MBD5: variants seen among roughly 807,000 people sequenced by gnomAD.
The protein encoded by MBD5 is methyl-CpG binding domain protein 5, also known as methyl-CpG-binding domain protein 5.
Under a neutral mutation model 117.3 loss-of-function variants are expected in MBD5, and 13 were observed. The observed-to-expected ratio is 0.11, with a 90% CI of 0.07 to 0.18. The LOEUF (loss-of-function observed/expected upper bound fraction) is 0.18. Ranked by LOEUF, MBD5 falls within the 10% of genes least tolerant of loss-of-function variation. MBD5 has a pLI of 1.00. For synonymous variants in MBD5, 727 were observed against 766.4 expected (o/e 0.95, Z 0.85); for missense variants, 1,879 against 2,093.8 (o/e 0.90, Z 2.00).
chr2:148,445,417 G>C (rs1282609058), intron 4 of MBD5, among the ~76,000 whole-genome samples: 3 of 150,968 alleles, frequency 2.0e-5, no homozygotes, highest in Non-Finnish European at 4.4e-5. Flanking sequence ...ATAGTTTGCT[G>C]AGAATGATGG....
At chr2:148,190,917 C>T (rs901522353) in intron 2 of MBD5, among the ~76,000 whole-genome samples, 1 of 122,300 alleles carries the variant, frequency 8.2e-6, no homozygotes, top group African/African-American at 3.1e-5. Context: ...GGAAGATCTA[C>T]CAAGCAAATG....
chr2:148,034,406 G>A (rs945475326), intron 1 of MBD5, among the ~76,000 whole-genome samples: 2 of 151,932 alleles, frequency 1.3e-5, no homozygotes, highest in African/African-American at 2.4e-5. Context: ...GATTATCCTC[G>A]CACCTGAAAA....
intron 4 of MBD5, among the ~76,000 whole-genome samples, chr2:148,382,472 A>G (rs1018731096): frequency 2.6e-5 from 4 of 152,192 alleles, no homozygotes; most frequent in African/African-American, 9.7e-5. Context: ...TTAGTGACCT[A>G]CAAAGTGACT....
intron 3 of MBD5, among the ~76,000 whole-genome samples, chr2:148,325,225 G>C (rs1702411621): frequency 6.6e-6 from 1 of 152,160 alleles, no homozygotes; most frequent in Non-Finnish European, 1.5e-5. Context: ...TGTGCTGTTG[G>C]ATTCGGTTTG....
chr2:148,267,845 A>G (rs891026085), intron 3 of MBD5, among the ~76,000 whole-genome samples: 7 of 151,886 alleles, frequency 4.6e-5, no homozygotes, highest in Non-Finnish European at 7.4e-5. Flanking sequence ...ATTCCCACTG[A>G]TTCTAATAAT....
intron 4 of MBD5, among the ~76,000 whole-genome samples, chr2:148,452,266 C>G (rs1348335919): frequency 6.6e-6 from 1 of 152,052 alleles, no homozygotes; most frequent in African/African-American, 2.4e-5. Context: ...AAGGCCAAGG[C>G]AAGAGGATCA....
At chr2:148,087,080 A>T (rs1323533370) in intron 1 of MBD5, among the ~76,000 whole-genome samples, 1 of 152,184 alleles carries the variant, frequency 6.6e-6, no homozygotes, top group African/African-American at 2.4e-5. Context: ...ACTCGGATGA[A>T]TAGAACAGCA....
intron 4 of MBD5, among the ~76,000 whole-genome samples, chr2:148,395,480 G>T: frequency 6.9e-6 from 1 of 145,464 alleles, no homozygotes; most frequent in Admixed American, 7.0e-5. Flanking sequence ...GCTGGAGTGC[G>T]GTGGCGCAAT....
intron 1 of MBD5, among the ~76,000 whole-genome samples, chr2:148,098,345 T>C (rs568613155): frequency 6.6e-6 from 1 of 152,244 alleles, no homozygotes; most frequent in East Asian, 1.9e-4. Flanking sequence ...AAGGGAGTGA[T>C]TGGTTGAGTT....
intron 4 of MBD5, among the ~76,000 whole-genome samples, chr2:148,361,037 G>T (rs1703517986): frequency 6.6e-6 from 1 of 151,848 alleles, no homozygotes; most frequent in Non-Finnish European, 1.5e-5. Flanking sequence ...TTATTGAGAA[G>T]AAAAATAAGA....
intron 3 of MBD5, among the ~76,000 whole-genome samples, chr2:148,301,565 T>C (rs1701775725): frequency 6.6e-6 from 1 of 152,190 alleles, no homozygotes; most frequent in South Asian, 2.1e-4. Context: ...AAACAGGTGA[T>C]TTGACAGATC....
intron 8 of MBD5, chr2:148,481,755 G>A (rs1681161623): frequency 1.3e-5 from 2 of 152,134 alleles, no homozygotes; most frequent in East Asian, 1.9e-4. Context: ...GCTGTACCCC[G>A]AGAGATGAGT....
In MBD5 at chr2:148,111,159, T is replaced by C. The variant is rs138516956; in HGVS notation, c.-924-67541T>C. 2.2e-4 allele frequency among the ~76,000 whole-genome samples: 33 copies of C among 152,284 alleles called. No individual in the cohort carries two copies. The East Asian group carries it at 4.2e-3, about 20-fold the overall frequency. ...ATTCCCTCTGGAATATACTTACTAA[T>C]TAAAAAGGAAAAGGTACCTTTAAAA... On this transcript the variant is annotated intron_variant, in intron 1 of 13. Coordinates refer to ENST00000642680, the MANE Select transcript of MBD5 (RefSeq NM_001378120.1).
intron 3 of MBD5, among the ~76,000 whole-genome samples, chr2:148,291,687 T>A (rs1042248328): frequency 6.6e-6 from 1 of 152,138 alleles, no homozygotes; most frequent in Non-Finnish European, 1.5e-5. Context: ...AAAATACCAA[T>A]GACATCCTTC....
intron 3 of MBD5, among the ~76,000 whole-genome samples, chr2:148,288,432 A>C (rs534747964): frequency 2.7e-5 from 4 of 148,444 alleles, no homozygotes; most frequent in African/African-American, 9.9e-5. Flanking sequence ...CTTCACAGTA[A>C]TAAGATGGAA....
chr2:148,389,724 A>T (rs6430314), intron 4 of MBD5, among the ~76,000 whole-genome samples: 28,430 of 151,964 alleles, frequency 0.19, 2,906 homozygotes, highest in African/African-American at 0.25. Context: ...GGATGTTTGT[A>T]TGTCTTCTTT....
At chr2:148,098,544 G>T (rs1275028071) in intron 1 of MBD5, among the ~76,000 whole-genome samples, 1 of 152,140 alleles carries the variant, frequency 6.6e-6, no homozygotes, top group East Asian at 1.9e-4. Flanking sequence ...ACGGAGCCCG[G>T]TGGACAGTAT....
intron 1 of MBD5, among the ~76,000 whole-genome samples, chr2:148,046,120 A>T (rs1316042444): frequency 3.3e-5 from 5 of 151,406 alleles, no homozygotes; most frequent in African/African-American, 1.2e-4. Flanking sequence ...AGTAGCTGGG[A>T]CTACAGGCGT....
intron 2 of MBD5, among the ~76,000 whole-genome samples, chr2:148,201,833 G>A (rs1345436298): frequency 6.6e-6 from 1 of 152,102 alleles, no homozygotes; most frequent in Non-Finnish European, 1.5e-5. Flanking sequence ...GTGCTGATTG[G>A]TTTGTGAGTA....
Sources: gnomAD v4.1 joint callset for allele counts (sites outside exome capture counted in the v4.1 genomes callset) on GRCh38, gnomAD v4.1.1 for gene constraint, MANE v1.5 for transcripts, NCBI Gene and HGNC (gene_info 2026-07-23, HGNC 2026-07-21) for gene names.